PATJ: variants seen among roughly 807,000 people sequenced by gnomAD.
PATJ encodes inaD-like protein.
A neutral mutation model predicts 224.9 loss-of-function variants in PATJ; 190 were observed. The ratio of observed to expected loss-of-function variants is 0.84; its 90% CI spans 0.75 to 0.95. The LOEUF (loss-of-function observed/expected upper bound fraction) is 0.95, where lower values mean the gene tolerates loss of function less well. Ranked by LOEUF, PATJ falls within the 40% of genes least tolerant of loss-of-function variation. The pLI is 0.00. For synonymous variants in PATJ, 769 were observed against 820.3 expected (o/e 0.94, Z 1.07); for missense variants, 2,121 against 2,270.3 (o/e 0.93, Z 1.34).
chr1:61,809,740 T>C (rs1423156569), intron 14 of PATJ, among the ~76,000 whole-genome samples: 1 of 152,152 alleles, frequency 6.6e-6, no homozygotes, highest in African/African-American at 2.4e-5. Context: ...GAAAAGTCTT[T>C]AGATAGTGCT....
intron 9 of PATJ, among the ~76,000 whole-genome samples, chr1:61,791,902 T>C (rs935521153): frequency 2.6e-5 from 4 of 152,162 alleles, no homozygotes; most frequent in Admixed American, 1.3e-4. Flanking sequence ...AGAAATAAAC[T>C]ATGAGAATAA....
chr1:61,861,280 C>CTTTATTTTTTTTTTTTTTTTTTTT (rs1420297062), intron 18 of PATJ, among the ~76,000 whole-genome samples: 1 of 28,644 alleles, frequency 3.5e-5, no homozygotes, highest in Admixed American at 4.6e-4. Context: ...TATTTTCTTT[C>CTTTATTTTTTTTTTTTTTTTTTTT]TTTCTTTTTT....
rs558485203 is a variant in PATJ at position 62,139,716 on chromosome 1, G to C, written c.5272-8568G>C. 3.9e-5 allele frequency among the ~76,000 whole-genome samples: 6 copies of C among 152,018 alleles called. No homozygotes were observed. The East Asian group carries it at 1.2e-3, about 29-fold the overall frequency. ...ATCACCTCTTAAGACAGAAGGGCTT[G>C]ATGGGGATTTCTTAGAGCTGTAAAG... is the stretch of plus-strand genomic sequence containing the variant. On this transcript the variant is annotated intron_variant, in intron 41 of 43. Transcript: ENST00000642238.
intron 27 of PATJ, among the ~76,000 whole-genome samples, chr1:61,958,461 T>G (rs1571504865): frequency 6.6e-6 from 1 of 152,344 alleles, no homozygotes; most frequent in South Asian, 2.1e-4. Flanking sequence ...CCCTATATTC[T>G]TGTGTAATAT....
chr1:61,843,893 G>A (rs1468692678), intron 17 of PATJ, among the ~76,000 whole-genome samples: 4 of 148,762 alleles, frequency 2.7e-5, no homozygotes, highest in Non-Finnish European at 6.0e-5. Flanking sequence ...AAAGATACGA[G>A]CCAGTATGGA....
At chr1:61,820,948 A>G (rs1335244183) in intron 14 of PATJ, among the ~76,000 whole-genome samples, 2 of 151,902 alleles carry the variant, frequency 1.3e-5, no homozygotes, top group African/African-American at 4.8e-5. Flanking sequence ...CTCCTTAGCT[A>G]TCCATACCCA....
At chr1:61,906,490 C>T (rs1557856178) in intron 24 of PATJ, among the ~76,000 whole-genome samples, 1 of 152,140 alleles carries the variant, frequency 6.6e-6, no homozygotes, top group Non-Finnish European at 1.5e-5. Flanking sequence ...TAACAAAAGA[C>T]ACTCCTATCA....
At chr1:61,864,169 C>T (rs1015906614) in intron 19 of PATJ, 69 bp from the exon 20 acceptor site, 9 of 1,386,024 alleles carry the variant, frequency 6.5e-6, no homozygotes, top group Admixed American at 4.4e-5. Context: ...GAAAATTTTC[C>T]AGTTTATCTA....
chr1:61,828,267 A>G (rs1349556086), intron 16 of PATJ, among the ~76,000 whole-genome samples: 1 of 151,840 alleles, frequency 6.6e-6, no homozygotes, highest in Non-Finnish European at 1.5e-5. Context: ...AAGAAACTCT[A>G]TGATAAATTT....
chr1:62,079,658 G>A, intron 32 of PATJ, 91 bp downstream of exon 32: 1 of 804,554 alleles, frequency 1.2e-6, no homozygotes, highest in Non-Finnish European at 2.1e-6. Context: ...GGACCAGGAG[G>A]CAGAAGTCTG....
chr1:62,071,671 G>A (rs936110061), intron 31 of PATJ, among the ~76,000 whole-genome samples: 22 of 151,874 alleles, frequency 1.4e-4, no homozygotes, highest in African/African-American at 4.8e-4. Context: ...TAGTACAGAC[G>A]GGGTTTTGCC....
At chr1:62,106,245 G>A (rs1663031968) in intron 33 of PATJ, among the ~76,000 whole-genome samples, 1 of 135,776 alleles carries the variant, frequency 7.4e-6, no homozygotes, top group Non-Finnish European at 1.6e-5. Flanking sequence ...CAAGGCAGGA[G>A]GATTGCTTGA....
chr1:61,864,148 C>A, intron 19 of PATJ, 90 bp from the exon 20 acceptor site: 1 of 1,092,588 alleles, frequency 9.2e-7, no homozygotes, highest in Non-Finnish European at 1.3e-6. Context: ...TATGCAGTCA[C>A]GCCAGCATTT....
At chr1:62,098,379 A>G (rs2148822574) in intron 33 of PATJ, among the ~76,000 whole-genome samples, 1 of 151,438 alleles carries the variant, frequency 6.6e-6, no homozygotes, top group East Asian at 1.9e-4. Context: ...AGAAAAAAGA[A>G]AAAAAAGAAG....
chr1:62,155,570 G>C (rs1669097964), intron 43 of PATJ, among the ~76,000 whole-genome samples: 2 of 151,894 alleles, frequency 1.3e-5, no homozygotes, highest in African/African-American at 4.8e-5. Context: ...AGGTCCCATT[G>C]AAAGAGGTCC....
chr1:61,938,905 C>T (rs762156204), intron 27 of PATJ, among the ~76,000 whole-genome samples: 8 of 151,012 alleles, frequency 5.3e-5, no homozygotes, highest in Non-Finnish European at 1.0e-4. Flanking sequence ...AAGAAAATTA[C>T]AAATTGATTT....
intron 1 of PATJ, among the ~76,000 whole-genome samples, chr1:61,762,134 C>T (rs1370679965): frequency 3.9e-5 from 6 of 152,172 alleles, no homozygotes; most frequent in African/African-American, 1.4e-4. Context: ...TTCAACAATG[C>T]CAAGGTGTCA....
chr1:61,780,100 G>T (rs764864508), intron 7 of PATJ, among the ~76,000 whole-genome samples: 9 of 152,068 alleles, frequency 5.9e-5, no homozygotes, highest in Admixed American at 5.9e-4. Flanking sequence ...GGTTTGGGGG[G>T]GACAAACATC....
chr1:61,912,301 G>A (rs1183749516), intron 25 of PATJ, among the ~76,000 whole-genome samples: 1 of 152,032 alleles, frequency 6.6e-6, no homozygotes, highest in Non-Finnish European at 1.5e-5. Flanking sequence ...TCTGCTATTT[G>A]AAAAACAGTG....
Sources: allele counts gnomAD v4.1 joint callset (sites outside exome capture counted in the v4.1 genomes callset), GRCh38; gene constraint gnomAD v4.1.1; transcripts MANE v1.5; gene names NCBI Gene and HGNC (gene_info 2026-07-23, HGNC 2026-07-21).